Variants in DHX38 observed in about 807,000 individuals in gnomAD.
DHX38 encodes the protein DEAH-box helicase 38.
DHX38 carries 100 observed loss-of-function variants against 153.1 expected under a neutral mutation model. That is an observed-to-expected ratio of 0.65 (90% CI 0.56 to 0.77). The LOEUF is 0.77. Among genes scored for constraint, DHX38 ranks in the 30% least tolerant of loss-of-function variants. DHX38 has a pLI of 0.00. For synonymous variants in DHX38, 650 were observed against 631.7 expected (o/e 1.03, Z -0.43); for missense variants, 1,440 against 1,654.0 (o/e 0.87, Z 2.24).
At chr16:72,110,052 ACTT>A (rs1291804765) in intron 25 of DHX38, among the ~76,000 whole-genome samples, 1 of 152,188 alleles carries the variant, frequency 6.6e-6, no homozygotes. Flanking sequence ...CTCAAAGATA[ACTT>A]CTTATGATCG....
intron 11 of DHX38, among the ~76,000 whole-genome samples, chr16:72,102,674 C>T (rs1336291742): frequency 3.3e-5 from 5 of 152,256 alleles, no homozygotes; most frequent in Admixed American, 3.3e-4. Context: ...TACCTCCTCA[C>T]AAGGCCTGTG....
chr16:72,104,263 G>A lies in DHX38; in HGVS notation c.2010+132G>A. 1 of 1,279,582 alleles carries A rather than the reference G, an allele frequency of 7.8e-7. No homozygotes were observed. Among genetic ancestry groups the A allele is most frequent in the Non-Finnish European group, 1.1e-6 (1 of 941,636 alleles). The allele number at this position is 1,279,582 out of a possible 1,614,324, so 79.3% of individuals were successfully genotyped here. ...GAGGTTCCTGAGGCCTCTGGTTGCA[G>A]TTCAGACTCGGGTTGTAGTTCATGC... On this transcript the variant is annotated intron_variant, in intron 14 of 26. Transcript: ENST00000268482. The surrounding 1 kb of genome is among the most constrained non-coding windows in gnomAD (Gnocchi z 4.5).
Position 72,101,272 on chromosome 16 carries a change from C to T in DHX38, c.1386+79C>T, listed in dbSNP as rs143442327. The T allele has an allele frequency of 8.7e-6, 13 of 1,502,722 alleles. No homozygotes were observed. In the African/African-American group the frequency reaches 1.8e-4, roughly 21 times the overall value. 93.1% of individuals were successfully genotyped at this position (1,502,722 alleles called of 1,614,324 possible). ...CTTCTCTTCATAAGTCTTACTAGGC[C>T]CACAGATAGAAGTTAGGAGTCCCCT... is the stretch of plus-strand genomic sequence containing the variant. On this transcript the variant is annotated intron_variant, in intron 10 of 26. Transcript: ENST00000268482.
Position 72,096,419 on chromosome 16 carries a change from G to A in DHX38, c.262G>A (p.Asp88Asn). 6.2e-7 allele frequency: 1 copy of A among 1,614,026 alleles called. No individual in the cohort carries two copies. The highest frequency in any genetic ancestry group is 1.1e-5 in the South Asian group (1 of 91,066). The change falls in exon 2 of 27, where the codon GAC becomes AAC. Residue 88 changes from aspartate (D) to asparagine (N), a missense_variant. Asp to Asn is a conservative substitution (Grantham distance 23). Coordinates refer to ENST00000268482, the MANE Select transcript of DHX38 (RefSeq NM_014003.4). ...SYKDWEESKD[D>N]QKDAEEEGGD... is the part of the protein sequence containing the mutation. ...CAAGGACTGGGAAGAGAGCAAGGAT[G>A]ACCAGAAGGATGCTGAGGAAGAGGG...
rs751033628 is a variant in DHX38, at chr16:72,107,374, C to T, written c.2635C>T (p.Leu879=). ...YTQSAYKNEL[L]TTTVPEIQRT... is the part of the protein sequence containing the mutation. ...CCAGAGCGCCTACAAGAATGAGCTCCTGACCACCACAGTGCCCGAGATCCA... is the reference window on the plus strand; with the variant it reads ...CCAGAGCGCCTACAAGAATGAGCTCTTGACCACCACAGTGCCCGAGATCCA... The change falls in exon 20 of 27, where the codon CTG becomes TTG. Residue 879 remains leucine, a synonymous_variant. Transcript: ENST00000268482. This position sits in a 1 kb window ranked among gnomAD's most constrained non-coding sequence, Gnocchi z 5.3. 4 of 1,612,848 alleles carry T rather than the reference C, an allele frequency of 2.5e-6. No individual in the cohort carries two copies. The highest frequency in any genetic ancestry group is 4.5e-5 in the East Asian group (2 of 44,884).
intron 25 of DHX38, chr16:72,109,711 C>A (rs1567612207): frequency 4.4e-6 from 2 of 450,166 alleles, no homozygotes; most frequent in Non-Finnish European, 3.9e-6. Context: ...AAAAACAAAA[C>A]CAAAAAACTC....
At chr16:72,098,533 G>A in intron 4 of DHX38, 112 bp from the exon 5 acceptor site, 3 of 1,386,374 alleles carry the variant, frequency 2.2e-6, no homozygotes, top group Non-Finnish European at 2.9e-6. Flanking sequence ...TACATGCAAG[G>A]TTTAGAAATA....
At position 72,100,594 on chromosome 16, in the gene DHX38, G is replaced by A; in HGVS notation, c.1275G>A (p.Lys425=). ...PFLDGRIVFT[K]QPEPVIPVKD... is the part of the protein sequence containing the mutation. ...TGGATGGGCGCATTGTCTTCACCAA[G>A]CAGGTGAGGCTCCTCTGTGGCCAGG... The change falls in exon 9 of 27, where the codon AAG becomes AAA. Residue 425 remains lysine (K), a synonymous_variant. Coordinates refer to ENST00000268482, the MANE Select transcript of DHX38 (RefSeq NM_014003.4). 6.2e-7 allele frequency: 1 copy of A among 1,613,800 alleles called. No individual in the cohort carries two copies. Among genetic ancestry groups the A allele is most frequent in the Non-Finnish European group, 8.5e-7 (1 of 1,179,906 alleles).
At chr16:72,095,433 A>G (rs1009401866) in intron 1 of DHX38, among the ~76,000 whole-genome samples, 1 of 152,198 alleles carries the variant, frequency 6.6e-6, no homozygotes, top group Non-Finnish European at 1.5e-5. Context: ...CTTCTGCCCC[A>G]TCTCTGTGCT....
chr16:72,101,928 C>T (rs912629972), intron 11 of DHX38, among the ~76,000 whole-genome samples: 4 of 152,132 alleles, frequency 2.6e-5, no homozygotes, highest in Non-Finnish European at 5.9e-5. Context: ...AGACCCAGGC[C>T]GTCTCACATC....
chr16:72,107,761 T>A lies in DHX38; in HGVS notation c.2926T>A (p.Ser976Thr), dbSNP rs776027892. Residue 976 changes from serine to threonine, a missense_variant, in exon 21 of 27, where the codon TCC (serine) becomes ACC (threonine). Physicochemically the swap from Ser to Thr is moderately conservative, Grantham distance 58. This residue lies in a region of DHX38 where 543 missense variants were observed against 717.9 expected (regional missense o/e 0.76). Transcript: ENST00000268482. The surrounding 1 kb of genome is among the most constrained non-coding windows in gnomAD (Gnocchi z 5.3). ...GCSSEILLIV[S>T]MLSVPAIFYR... ...CAGCTCCGAGATCCTGCTCATCGTT[T>A]CCATGCTCTCGGTCCCAGCCATCTT... 1.2e-6 allele frequency: 2 copies of A among 1,614,040 alleles called. No individual in the cohort carries two copies. The highest frequency in any genetic ancestry group is 1.7e-6 in the Non-Finnish European group (2 of 1,180,036).
Position 72,101,094 on chromosome 16 carries a change from G to C in DHX38, c.1287G>C (p.Pro429=), listed in dbSNP as rs1131106. ...TCTCCCCACTGCTGCAGCCGGAGCCGGTGATTCCAGTGAAGGATGCTACTT... is the reference window on the plus strand; with the variant it reads ...TCTCCCCACTGCTGCAGCCGGAGCCCGTGATTCCAGTGAAGGATGCTACTT... ...GRIVFTKQPE[P]VIPVKDATSD... The change falls in exon 10 of 27, where the codon CCG becomes CCC. Residue 429 remains proline, a synonymous_variant. Transcript: ENST00000268482. 3.7e-6 allele frequency: 6 copies of C among 1,614,092 alleles called. No individual in the cohort carries two copies. Among genetic ancestry groups the C allele is most frequent in the Non-Finnish European group, 5.1e-6 (6 of 1,180,026 alleles).
Position 72,112,309 on chromosome 16 carries a change from C to G in DHX38, c.3600-104C>G, listed in dbSNP as rs1345796853. 17 of 1,155,692 alleles carry G rather than the reference C, an allele frequency of 1.5e-5. No homozygotes were observed. In the East Asian group the frequency reaches 4.0e-4, roughly 27 times the overall value. 71.6% of individuals were successfully genotyped at this position (1,155,692 alleles called of 1,614,324 possible). On this transcript the variant is annotated intron_variant, in intron 26 of 26. Transcript: ENST00000268482. ...GGAGATCCCTCGGCCCAGAGCTCCC[C>G]ACCATGGGTTAGGAACAGTAAGTCC...
chr16:72,105,906 C>G, intron 18 of DHX38, 99 bp from the exon 19 acceptor site: 1 of 1,124,736 alleles, frequency 8.9e-7, no homozygotes, highest in East Asian at 2.4e-5. Context: ...CTGGCTCTTC[C>G]TCTGCCATGT....
intron 2 of DHX38, 104 bp downstream of exon 2, chr16:72,096,584 A>G: frequency 1.4e-6 from 2 of 1,463,564 alleles, no homozygotes; most frequent in Non-Finnish European, 1.8e-6. Context: ...TTAGAGCTTT[A>G]TGATTTTATT....
At position 72,102,572 on chromosome 16, in the gene DHX38, T is replaced by C. The variant is rs761142442; in HGVS notation, c.1500-502T>C. Among the ~76,000 whole-genome samples the C allele has an allele frequency of 4.2e-4, 64 of 152,180 alleles. 1 individual carries two copies. The highest frequency in any genetic ancestry group is 3.7e-3 in the Admixed American group (57 of 15,284). ...TGTTTAGTGGGGCTGTTTTCACAGTTCTTTGAAAACAAAACCGTACAGACT... is the reference window on the plus strand; with the variant it reads ...TGTTTAGTGGGGCTGTTTTCACAGTCCTTTGAAAACAAAACCGTACAGACT... On this transcript the variant is annotated intron_variant, in intron 11 of 26. Transcript: ENST00000268482.
chr16:72,101,129 C>T lies in DHX38; in HGVS notation c.1322C>T (p.Ala441Val). The change falls in exon 10 of 27, where the codon GCC becomes GTC. Residue 441 changes from alanine to valine, a missense_variant. Ala to Val is a moderately conservative substitution (Grantham distance 64). Coordinates refer to ENST00000268482, the MANE Select transcript of DHX38 (RefSeq NM_014003.4). ...GTGAAGGATGCTACTTCTGACCTGG[C>T]CATCATTGCTCGGAAAGGCAGCCAG... is the stretch of plus-strand genomic sequence containing the variant. ...IPVKDATSDL[A>V]IIARKGSQTV... 1 of 1,614,236 alleles carries T rather than the reference C, an allele frequency of 6.2e-7. No homozygotes were observed. Among genetic ancestry groups the T allele is most frequent in the Non-Finnish European group, 8.5e-7 (1 of 1,180,042 alleles).
chr16:72,104,911 G>A lies in DHX38; in HGVS notation c.2152-116G>A. ...GTCAGGCCCATGTGGAGGTGTGGTG[G>A]CCCTCAAAGTCCATGGCTCCATTCC... On this transcript the variant is annotated intron_variant, in intron 15 of 26. Coordinates refer to ENST00000268482, the MANE Select transcript of DHX38 (RefSeq NM_014003.4). This position sits in a 1 kb window ranked among gnomAD's most constrained non-coding sequence, Gnocchi z 4.5. 9.7e-7 allele frequency: 1 copy of A among 1,033,786 alleles called. No homozygotes were observed. Among genetic ancestry groups the A allele is most frequent in the Non-Finnish European group, 1.4e-6 (1 of 714,794 alleles). The allele number at this position is 1,033,786 out of a possible 1,614,324, so 64.0% of individuals were successfully genotyped here. A position where few individuals can be genotyped will look rare whatever the true frequency, so the allele number is the denominator to read the frequency against.
In DHX38 at chr16:72,096,447, G is replaced by A. The variant is rs745656134; in HGVS notation, c.290G>A (p.Gly97Asp). 3 of 1,613,524 alleles carry A rather than the reference G, an allele frequency of 1.9e-6. No homozygotes were observed. Among genetic ancestry groups the A allele is most frequent in the Non-Finnish European group, 2.5e-6 (3 of 1,179,792 alleles). ...CAGAAGGATGCTGAGGAAGAGGGCG[G>A]TGACCAGGCTGGCCAAAATATCCGG... ...DDQKDAEEEG[G>D]DQAGQNIRKD... Residue 97 changes from glycine (G) to aspartate (D), a missense_variant, in exon 2 of 27, where the codon GGT (glycine) becomes GAT (aspartate). By Grantham distance (94) the Gly-to-Asp change is moderately conservative. This residue lies in a region of DHX38 where 483 missense variants were observed against 465.1 expected (regional missense o/e 1.04). Coordinates refer to ENST00000268482, the MANE Select transcript of DHX38 (RefSeq NM_014003.4).
Sources: allele counts gnomAD v4.1 joint callset (sites outside exome capture counted in the v4.1 genomes callset), GRCh38; gene constraint gnomAD v4.1.1; regional missense constraint gnomAD v4.1.1; non-coding constraint Gnocchi (gnomAD v3.1); transcripts MANE v1.5; gene names NCBI Gene and HGNC (gene_info 2026-07-23, HGNC 2026-07-21).